Variants in AGBL1 observed in about 807,000 individuals in gnomAD.
The protein encoded by AGBL1 is cytosolic carboxypeptidase 4.
In AGBL1, 130 loss-of-function variants were observed where a neutral mutation model predicts 118.9. That is an observed-to-expected ratio of 1.09 (90% confidence interval 0.95 to 1.26). AGBL1 has a LOEUF of 1.26. Ranked by LOEUF, AGBL1 falls within the 50% of genes most tolerant of loss-of-function variation. The pLI is 0.00. For missense variants in AGBL1, 1,584 were observed against 1,298.1 expected, an observed-to-expected ratio of 1.22 and a Z score of -3.38; for synonymous variants, 555 against 478.9, an observed-to-expected ratio of 1.16 and a Z score of -2.08.
intron 23 of AGBL1, among the ~76,000 whole-genome samples, chr15:86,927,959 G>A (rs2080562989): frequency 6.6e-6 from 1 of 152,078 alleles, no homozygotes; most frequent in South Asian, 2.1e-4. Flanking sequence ...AAATGTGTGT[G>A]TATGTATATT....
chr15:86,511,888 A>G (rs8034237), intron 18 of AGBL1, among the ~76,000 whole-genome samples: 68,432 of 151,752 alleles, frequency 0.45, 16,268 homozygotes, highest in East Asian at 0.69. Context: ...TATCCATTTC[A>G]TTTTACATTA....
At chr15:86,901,325 A>T (rs1314357544) in intron 22 of AGBL1, among the ~76,000 whole-genome samples, 2 of 152,070 alleles carry the variant, frequency 1.3e-5, no homozygotes, top group Non-Finnish European at 2.9e-5. Context: ...TGATATTTTC[A>T]TAATGTATTT....
rs970620963 is a variant in AGBL1 at position 86,908,162 on chromosome 15, T to C, written c.*868T>C. 2 of 152,228 alleles carry C rather than the reference T, an allele frequency of 1.3e-5. No homozygotes were observed. The highest frequency in any genetic ancestry group is 4.8e-5 in the African/African-American group (2 of 41,466). 9.4% of individuals were successfully genotyped at this position (152,228 alleles called of 1,614,324 possible). A position where few individuals can be genotyped will look rare whatever the true frequency, so the allele number is the denominator to read the frequency against. On this transcript the variant is annotated 3_prime_UTR_variant, in exon 23 of 23. Transcript: ENST00000614907. The stretch of plus-strand genomic sequence containing the variant: ...AATGTGGATAAGTATATCTATATCA[T>C]AAAATTATTGTAGGATGAAATGAGA...
In AGBL1 at chr15:86,375,253, G is replaced by A. The variant is rs539856636; in HGVS notation, c.2375-22113G>A. On this transcript the variant is annotated intron_variant, in intron 17 of 22. Transcript: ENST00000614907. ...CTCACATTTCCACTCGGCTGGCAAG[G>A]CCTCAGGACACTTACAATCATGGCA... is the stretch of plus-strand genomic sequence containing the variant. Among the ~76,000 whole-genome samples the A allele has an allele frequency of 1.8e-3, 269 of 152,278 alleles. 1 individual carries two copies. Among genetic ancestry groups the A allele is most frequent in the African/African-American group, 6.2e-3 (259 of 41,550 alleles).
chr15:86,677,298 A>G (rs181379027), intron 22 of AGBL1, among the ~76,000 whole-genome samples: 2 of 152,302 alleles, frequency 1.3e-5, no homozygotes, highest in African/African-American at 4.8e-5. Context: ...AAGTACATGC[A>G]TGCTTTGTTT....
chr15:86,467,519 T>A (rs2082422907), intron 18 of AGBL1, among the ~76,000 whole-genome samples: 2 of 152,152 alleles, frequency 1.3e-5, no homozygotes, highest in Middle Eastern at 3.2e-3. Context: ...CACTGGGGTA[T>A]GAATAAAAAA....
chr15:86,566,966 T>A (rs2083926836), intron 21 of AGBL1, among the ~76,000 whole-genome samples: 1 of 152,180 alleles, frequency 6.6e-6, no homozygotes, highest in African/African-American at 2.4e-5. Context: ...CTCCTCATAG[T>A]TCCTACTTCA....
Position 86,913,519 on chromosome 15 carries a change from A to G in AGBL1, c.*6225A>G, listed in dbSNP as rs972211265. 9 of 152,220 alleles carry G rather than the reference A, an allele frequency of 5.9e-5. No homozygotes were observed. The highest frequency in any genetic ancestry group is 2.2e-4 in the African/African-American group (9 of 41,458). The allele number at this position is 152,220 out of a possible 1,614,324, so 9.4% of individuals were successfully genotyped here. Reference sequence around the variant, plus strand: ...ATGAGAGAATTACCAAATGAGCCACATTTAGTTCTTATGACAAGTAGTTAA... The same window carrying G: ...ATGAGAGAATTACCAAATGAGCCACGTTTAGTTCTTATGACAAGTAGTTAA... On this transcript the variant is annotated 3_prime_UTR_variant, in exon 23 of 23. Coordinates refer to ENST00000614907, the MANE Select transcript of AGBL1 (RefSeq NM_001386094.1).
Position 86,328,906 on chromosome 15 carries a change from C to T in AGBL1, c.2374+33498C>T, listed in dbSNP as rs117895468. 6.6e-5 allele frequency among the ~76,000 whole-genome samples: 10 copies of T among 152,304 alleles called. No individual in the cohort carries two copies. The East Asian group carries it at 1.7e-3, about 26-fold the overall frequency. ...TAATTTGGGCTCATATAAAGTCAGTCATTCTTTGACAATTTGCATAGCTGT... is the reference window on the plus strand; with the variant it reads ...TAATTTGGGCTCATATAAAGTCAGTTATTCTTTGACAATTTGCATAGCTGT... On this transcript the variant is annotated intron_variant, in intron 17 of 22. Transcript: ENST00000614907.
At chr15:86,858,040 C>T (rs144662139) in intron 22 of AGBL1, among the ~76,000 whole-genome samples, 39 of 152,182 alleles carry the variant, frequency 2.6e-4, no homozygotes, top group African/African-American at 7.2e-4. Flanking sequence ...TTCACTCTGC[C>T]CACGTAACAC....
chr15:86,853,963 G>A (rs1361360950), intron 22 of AGBL1, among the ~76,000 whole-genome samples: 1 of 152,032 alleles, frequency 6.6e-6, no homozygotes, highest in Non-Finnish European at 1.5e-5. Flanking sequence ...ATAGGGAAAT[G>A]CTCGATACCC....
At chr15:86,841,006 A>G (rs1158093144) in intron 22 of AGBL1, among the ~76,000 whole-genome samples, 1 of 152,216 alleles carries the variant, frequency 6.6e-6, no homozygotes, top group African/African-American at 2.4e-5. Context: ...TGAGACTACA[A>G]GATTACTTTT....
At chr15:86,727,357 G>C (rs535743258) in intron 22 of AGBL1, among the ~76,000 whole-genome samples, 1 of 152,054 alleles carries the variant, frequency 6.6e-6, no homozygotes, top group East Asian at 1.9e-4. Context: ...ATCACACATG[G>C]GCTGGCAACG....
intron 18 of AGBL1, among the ~76,000 whole-genome samples, chr15:86,438,020 C>A (rs2082019270): frequency 6.6e-6 from 1 of 152,150 alleles, no homozygotes; most frequent in Admixed American, 6.5e-5. Context: ...ATTCTCCTGC[C>A]TCAGCCTCCA....
chr15:86,356,798 C>T (rs1039149728), intron 17 of AGBL1, among the ~76,000 whole-genome samples: 10 of 152,174 alleles, frequency 6.6e-5, no homozygotes, highest in Admixed American at 1.3e-4. Flanking sequence ...CTCTGTAGCT[C>T]TTCTGTGGAG....
At chr15:86,544,347 GCAAGA>G (rs958672106) in intron 19 of AGBL1, among the ~76,000 whole-genome samples, 33 of 152,312 alleles carry the variant, frequency 2.2e-4, no homozygotes, top group African/African-American at 2.9e-4. Flanking sequence ...CCTGGGAACA[GCAAGA>G]CAGCAAACCC....
At chr15:86,632,604 C>A (rs2084992312) in intron 21 of AGBL1, among the ~76,000 whole-genome samples, 1 of 151,568 alleles carries the variant, frequency 6.6e-6, no homozygotes, top group South Asian at 2.1e-4. Flanking sequence ...AACCTTACTA[C>A]CATGACAATA....
chr15:86,981,030 G>C (rs1371898430), intron 23 of AGBL1, among the ~76,000 whole-genome samples: 1 of 151,754 alleles, frequency 6.6e-6, no homozygotes, highest in Non-Finnish European at 1.5e-5. Flanking sequence ...GCGACTACAG[G>C]CGCACGCTGC....
At chr15:86,593,362 A>G (rs1444357821) in intron 21 of AGBL1, among the ~76,000 whole-genome samples, 1 of 150,564 alleles carries the variant, frequency 6.6e-6, no homozygotes, top group Admixed American at 6.6e-5. Flanking sequence ...GCTCCTTGCT[A>G]CTGATGTGTC....
Sources: allele counts gnomAD v4.1 joint callset (sites outside exome capture counted in the v4.1 genomes callset), GRCh38; gene constraint gnomAD v4.1.1; transcripts MANE v1.5; gene names NCBI Gene and HGNC (gene_info 2026-07-23, HGNC 2026-07-21).